Variants in KIF18A observed in about 807,000 individuals in gnomAD.
KIF18A encodes the protein kinesin-like protein KIF18A.
A neutral mutation model predicts 103.3 loss-of-function variants in KIF18A; 67 were observed. That is an observed-to-expected ratio of 0.65 (90% confidence interval 0.53 to 0.79). KIF18A has a LOEUF of 0.79. Among genes scored for constraint, KIF18A ranks in the 30% least tolerant of loss-of-function variants. The pLI is 0.00. For synonymous variants in KIF18A, 367 were observed against 355.5 expected (o/e 1.03, Z -0.36); for missense variants, 1,032 against 1,062.5 (o/e 0.97, Z 0.40).
At chr11:28,036,758 G>A in intron 13 of KIF18A, 94 bp from the exon 14 acceptor site, 9 of 681,816 alleles carry the variant, frequency 1.3e-5, no homozygotes, top group Middle Eastern at 4.4e-4. Context: ...CTAATAATAA[G>A]GTATTTTTAT....
intron 9 of KIF18A, among the ~76,000 whole-genome samples, chr11:28,082,333 T>G (rs1272640647): frequency 6.6e-6 from 1 of 152,076 alleles, no homozygotes. Context: ...ATCTATGCAG[T>G]AAACTTCATT....
At chr11:28,083,270 T>A in intron 7 of KIF18A, 27 bp from the exon 8 acceptor site, 1 of 1,536,730 alleles carries the variant, frequency 6.5e-7, no homozygotes. Flanking sequence ...ATTATGATTG[T>A]TTATAGAGAG....
At chr11:28,037,115 C>G (rs1202841103) in intron 13 of KIF18A, among the ~76,000 whole-genome samples, 1 of 151,356 alleles carries the variant, frequency 6.6e-6, no homozygotes, top group Non-Finnish European at 1.5e-5. Flanking sequence ...TTTAGATTTG[C>G]GGGTACACGT....
chr11:28,098,826 C>G (rs1387349297), intron 1 of KIF18A, among the ~76,000 whole-genome samples: 1 of 151,880 alleles, frequency 6.6e-6, no homozygotes, highest in Non-Finnish European at 1.5e-5. Context: ...ACTCTAGAAT[C>G]TGCAGACCCA....
chr11:28,035,787 T>C (rs1365913178), intron 14 of KIF18A, among the ~76,000 whole-genome samples: 2 of 151,612 alleles, frequency 1.3e-5, no homozygotes, highest in Non-Finnish European at 3.0e-5. Context: ...GAGAAGGATA[T>C]GTTTGCTTGG....
intron 12 of KIF18A, 82 bp from the exon 13 acceptor site, chr11:28,059,243 A>G: frequency 1.1e-6 from 1 of 903,166 alleles, no homozygotes. Flanking sequence ...GTAACACCCA[A>G]AGCATTAGCA....
At position 28,036,285 on chromosome 11, in the gene KIF18A, GATGTC is replaced by G. The variant is rs775002112; in HGVS notation, c.2323_2327del (p.Asp775GlnfsTer6). ...CGGGTAATTTACACTTCGAGCTCTT[GATGTC>G]TTCACATATAGTAAATGTAGAGTCC... On this transcript the variant is annotated frameshift_variant, in exon 14 of 17. Coordinates refer to ENST00000263181, the MANE Select transcript of KIF18A (RefSeq NM_031217.4). LOFTEE classifies it high-confidence loss of function. The G allele has an allele frequency of 6.2e-7, 1 of 1,610,082 alleles. No individual in the cohort carries two copies. The highest frequency in any genetic ancestry group is 8.5e-7 in the Non-Finnish European group (1 of 1,177,658).
chr11:28,066,710 A>G lies in KIF18A; in HGVS notation c.1590+2549T>C, dbSNP rs567584639. On this transcript the variant is annotated intron_variant, in intron 11 of 16. Transcript: ENST00000263181. ...CAATCTCCCAGCTGGAAGAAAATCT[A>G]CACAGCTTTGAACAGATTCTCAAAG... Among the ~76,000 whole-genome samples, 3 of 151,232 alleles carry G rather than the reference A, an allele frequency of 2.0e-5. No individual in the cohort carries two copies. The East Asian group carries it at 5.8e-4, about 29-fold the overall frequency.
At chr11:28,083,019 C>A in intron 8 of KIF18A, 51 bp from the exon 9 acceptor site, 1 of 1,439,038 alleles carries the variant, frequency 6.9e-7, no homozygotes, top group Non-Finnish European at 9.4e-7. Context: ...ATTTACATGG[C>A]CACAGCCAAA....
intron 9 of KIF18A, among the ~76,000 whole-genome samples, chr11:28,082,514 T>TTGC: frequency 6.6e-6 from 1 of 152,258 alleles, no homozygotes; most frequent in Admixed American, 6.5e-5. Context: ...ATGTCTAAAA[T>TTGC]TAAAGCAAGG....
chr11:28,087,089 T>A (rs888084781), intron 6 of KIF18A, among the ~76,000 whole-genome samples: 5 of 152,224 alleles, frequency 3.3e-5, no homozygotes, highest in African/African-American at 7.2e-5. Flanking sequence ...TTTAATTTTT[T>A]AATTATATTT....
chr11:28,036,839 AATAAAG>A (rs1490212050), intron 13 of KIF18A, among the ~76,000 whole-genome samples, 175 bp from the exon 14 acceptor site: 2 of 151,666 alleles, frequency 1.3e-5, no homozygotes, highest in South Asian at 2.1e-4. Flanking sequence ...AAAAACTTTA[AATAAAG>A]ATAAACTCAT....
rs376168596 is a variant in KIF18A at position 28,097,987 on chromosome 11, T to C, written c.-40A>G. ...ATTCCTATCTGTATAAATACTTGAA[T>C]ACTTCTCTGAAATTAAAAAAGAAAA... On this transcript the variant is annotated 5_prime_UTR_variant, in exon 2 of 17. Coordinates refer to ENST00000263181, the MANE Select transcript of KIF18A (RefSeq NM_031217.4). The C allele has an allele frequency of 7.3e-7, 1 of 1,373,408 alleles. No homozygotes were observed. Among genetic ancestry groups the C allele is most frequent in the South Asian group, 1.5e-5 (1 of 66,878 alleles). The allele number at this position is 1,373,408 out of a possible 1,614,324, so 85.1% of individuals were successfully genotyped here.
At chr11:28,049,625 T>C (rs375422934) in intron 13 of KIF18A, among the ~76,000 whole-genome samples, 1 of 152,130 alleles carries the variant, frequency 6.6e-6, no homozygotes, top group African/African-American at 2.4e-5. Context: ...GATTCTTCCT[T>C]TGCAAGCAAG....
chr11:28,031,711 T>C (rs1225561825), intron 15 of KIF18A, among the ~76,000 whole-genome samples: 1 of 148,896 alleles, frequency 6.7e-6, no homozygotes, highest in East Asian at 2.0e-4. Flanking sequence ...AAACTGGGTA[T>C]AGAAGGAACA....
chr11:28,025,516 AT>A (rs1850306106), intron 15 of KIF18A, among the ~76,000 whole-genome samples: 1 of 151,952 alleles, frequency 6.6e-6, no homozygotes, highest in South Asian at 2.1e-4. Flanking sequence ...CTTTTTACTC[AT>A]AGCATGTTCT....
At chr11:28,027,024 T>C (rs1454673685) in intron 15 of KIF18A, among the ~76,000 whole-genome samples, 2 of 151,804 alleles carry the variant, frequency 1.3e-5, no homozygotes, top group African/African-American at 4.8e-5. Context: ...TTATACTTTG[T>C]TTAGGAGGGA....
chr11:28,097,853 T>G lies in KIF18A; in HGVS notation c.95A>C (p.Lys32Thr). 1 of 1,612,650 alleles carries G rather than the reference T, an allele frequency of 6.2e-7. No homozygotes were observed. The stretch of plus-strand genomic sequence containing the variant: ...ATGTTTATCCACAACATGAACCACT[T>G]TATGAAATCCAGCTGCTTTTTCTTT... Reference protein sequence around the residue: ...NTKEKAAGFHKVVHVVDKHIL... With the variant: ...NTKEKAAGFHTVVHVVDKHIL... The change falls in exon 2 of 17, where the codon AAA becomes ACA. Residue 32 changes from lysine (K) to threonine (T), a missense_variant. Transcript: ENST00000263181.
At chr11:28,081,539 C>T (rs1057153205) in intron 9 of KIF18A, among the ~76,000 whole-genome samples, 2 of 152,008 alleles carry the variant, frequency 1.3e-5, no homozygotes, top group South Asian at 2.1e-4. Context: ...AATTTTAAGC[C>T]CACTGTTAAG....
Sources: gnomAD v4.1 joint callset for allele counts (sites outside exome capture counted in the v4.1 genomes callset) on GRCh38, gnomAD v4.1.1 for gene constraint, MANE v1.5 for transcripts, NCBI Gene and HGNC (gene_info 2026-07-23, HGNC 2026-07-21) for gene names.